The following CX3CR1 variants were observed in gnomAD, a reference collection of about 807,000 sequenced individuals.
CX3CR1 encodes the protein CX3C chemokine receptor 1.
For missense variants in CX3CR1, 363 were observed against 432.4 expected (o/e 0.84, Z 1.42); for synonymous variants, 168 against 178.5 (o/e 0.94, Z 0.47).
upstream of CX3CR1, chr3:39,281,854 T>C: frequency 1.6e-6 from 1 of 614,598 alleles, no homozygotes; most frequent in East Asian, 2.8e-5. Context: ...GATTTTACCC[T>C]CTTTTAAAGC....
chr3:39,277,218 C>A (rs2040849754), intron 1 of CX3CR1, among the ~76,000 whole-genome samples: 1 of 152,202 alleles, frequency 6.6e-6, no homozygotes, highest in Admixed American at 6.5e-5. Context: ...GGGGTCGAAG[C>A]ATCAGCTGTG....
At chr3:39,270,649 A>C (rs115147404) in intron 1 of CX3CR1, among the ~76,000 whole-genome samples, 2 of 152,254 alleles carry the variant, frequency 1.3e-5, no homozygotes, top group Admixed American at 6.5e-5. Context: ...TAAAGTTTAA[A>C]TATCTCTTAA....
intron 1 of CX3CR1, among the ~76,000 whole-genome samples, chr3:39,267,463 C>G (rs988502707): frequency 1.8e-4 from 27 of 152,206 alleles, no homozygotes; most frequent in Admixed American, 1.8e-3. Flanking sequence ...ACAAGTCCTT[C>G]TCTTTCTTAG....
chr3:39,273,593 G>A (rs1047222718), intron 1 of CX3CR1, among the ~76,000 whole-genome samples: 1 of 152,176 alleles, frequency 6.6e-6, no homozygotes, highest in Non-Finnish European at 1.5e-5. Context: ...ACCTCTAAGA[G>A]CCTTGCTAGC....
At chr3:39,284,177 GT>G (rs755082571), upstream of CX3CR1, among the ~76,000 whole-genome samples, 13 of 149,580 alleles carry the variant, frequency 8.7e-5, no homozygotes, top group South Asian at 2.1e-4. Context: ...CATTGTCTAA[GT>G]TTTTTTTTTT....
chr3:39,283,028 A>C (rs375878188), upstream of CX3CR1, among the ~76,000 whole-genome samples: 1 of 152,250 alleles, frequency 6.6e-6, no homozygotes, highest in East Asian at 1.9e-4. Context: ...AGTAGCTGGA[A>C]CTACAGGCAC....
chr3:39,272,933 C>A (rs574481780), intron 1 of CX3CR1, among the ~76,000 whole-genome samples: 17 of 152,354 alleles, frequency 1.1e-4, no homozygotes, highest in African/African-American at 3.4e-4. Flanking sequence ...CCACCACATT[C>A]TCTTCACAAC....
chr3:39,283,798 TATATATATATATA>T (rs2040925933), upstream of CX3CR1, among the ~76,000 whole-genome samples: 6 of 28,738 alleles, frequency 2.1e-4, no homozygotes, highest in Non-Finnish European at 3.2e-4. Context: ...AAAAAAATTA[TATATATATATATA>T]TATATATATA....
intron 1 of CX3CR1, among the ~76,000 whole-genome samples, chr3:39,271,256 G>A (rs888868538): frequency 6.6e-6 from 1 of 152,182 alleles, no homozygotes. Context: ...TAGTAGTGAT[G>A]ACAGCACCCT....
At chr3:39,278,997 C>A (rs1453512308) in intron 1 of CX3CR1, among the ~76,000 whole-genome samples, 2 of 152,162 alleles carry the variant, frequency 1.3e-5, no homozygotes, top group African/African-American at 4.8e-5. Context: ...CCCGCCTCTA[C>A]TAAAAATACA....
intron 1 of CX3CR1, among the ~76,000 whole-genome samples, chr3:39,270,428 G>C (rs2040762474): frequency 6.6e-6 from 1 of 152,176 alleles, no homozygotes; most frequent in African/African-American, 2.4e-5. Flanking sequence ...AGCACGATAA[G>C]TCCAATTAAT....
At chr3:39,276,406 T>G (rs912632674) in intron 1 of CX3CR1, among the ~76,000 whole-genome samples, 3 of 152,258 alleles carry the variant, frequency 2.0e-5, no homozygotes, top group Admixed American at 6.5e-5. Context: ...TTATAGCAGA[T>G]AGCAGTGCAA....
intron 1 of CX3CR1, among the ~76,000 whole-genome samples, chr3:39,277,189 T>G (rs1233736865): frequency 2.0e-5 from 3 of 152,178 alleles, no homozygotes; most frequent in African/African-American, 7.2e-5. Flanking sequence ...AAAGCTGCAC[T>G]TTGGCCAAAC....
At chr3:39,274,475 C>A (rs1397486635) in intron 1 of CX3CR1, among the ~76,000 whole-genome samples, 1 of 114,256 alleles carries the variant, frequency 8.8e-6, no homozygotes, top group Admixed American at 9.3e-5. Flanking sequence ...TCCCTCCAAC[C>A]ACCACCAAAA....
At chr3:39,283,120 A>G (rs2040918504), upstream of CX3CR1, among the ~76,000 whole-genome samples, 1 of 152,086 alleles carries the variant, frequency 6.6e-6, no homozygotes, top group Non-Finnish European at 1.5e-5. Flanking sequence ...TGAACTCCTG[A>G]GTTTGAGTGA....
At chr3:39,283,816 T>A (rs1575213397), upstream of CX3CR1, among the ~76,000 whole-genome samples, 2 of 67,030 alleles carry the variant, frequency 3.0e-5, no homozygotes, top group Admixed American at 1.3e-4. Flanking sequence ...TATATATATA[T>A]ATATATATAT....
the CX3CR1 span, among the ~76,000 whole-genome samples, chr3:39,291,937 C>G: frequency 6.6e-6 from 1 of 152,224 alleles, no homozygotes; most frequent in African/African-American, 2.4e-5. Context: ...AGGGCTTTCT[C>G]CTGGCTCTAG....
upstream of CX3CR1, chr3:39,280,577 G>C: frequency 1.7e-6 from 1 of 594,024 alleles, no homozygotes; most frequent in Non-Finnish European, 2.1e-6. Context: ...TGGTACTGAA[G>C]GCATCTAGTG....
At chr3:39,283,285 G>A (rs185678235), upstream of CX3CR1, among the ~76,000 whole-genome samples, 42 of 152,246 alleles carry the variant, frequency 2.8e-4, no homozygotes, top group South Asian at 6.0e-3. Context: ...GCTCATGTGT[G>A]GTAGGGCCAA....
Sources: gnomAD v4.1 joint callset for allele counts (sites outside exome capture counted in the v4.1 genomes callset) on GRCh38, gnomAD v4.1.1 for gene constraint, MANE v1.5 for transcripts, NCBI Gene and HGNC (gene_info 2026-07-23, HGNC 2026-07-21) for gene names.